CNTLN: variants seen among roughly 807,000 people sequenced by gnomAD.
CNTLN encodes the protein centlein, centrosomal protein.
CNTLN carries 212 observed loss-of-function variants against 180.0 expected under a neutral mutation model. The observed-to-expected ratio is 1.18, with a 90% CI of 1.05 to 1.32. The LOEUF is 1.32. Ranked by LOEUF, CNTLN falls within the 40% of genes most tolerant of loss-of-function variation. The pLI is 0.00. For missense variants in CNTLN, 2,095 were observed against 1,610.9 expected (o/e 1.30, Z -5.14); for synonymous variants, 722 against 563.1 (o/e 1.28, Z -3.99).
chr9:17,215,626 T>A (rs1823689782), intron 2 of CNTLN, among the ~76,000 whole-genome samples: 1 of 152,190 alleles, frequency 6.6e-6, no homozygotes, highest in Non-Finnish European at 1.5e-5. Flanking sequence ...CTGCCTTTTG[T>A]TTGGCTATGC....
At chr9:17,267,747 C>CT (rs1827593402) in intron 5 of CNTLN, among the ~76,000 whole-genome samples, 1 of 152,106 alleles carries the variant, frequency 6.6e-6, no homozygotes, top group Admixed American at 6.5e-5. Context: ...TCTTTTTATT[C>CT]TTTTTTCTCT....
chr9:17,524,527 A>T, the CNTLN span, among the ~76,000 whole-genome samples: 33 of 152,366 alleles, frequency 2.2e-4, no homozygotes, highest in African/African-American at 7.7e-4. Flanking sequence ...ATCCAGAAAC[A>T]TTCTCATAGA....
At chr9:17,415,134 A>G (rs1213701773) in intron 16 of CNTLN, among the ~76,000 whole-genome samples, 1 of 152,114 alleles carries the variant, frequency 6.6e-6, no homozygotes, top group African/African-American at 2.4e-5. Context: ...CTACTAATAT[A>G]TACAATTTTA....
intron 5 of CNTLN, among the ~76,000 whole-genome samples, chr9:17,268,661 G>A (rs780116468): frequency 6.6e-6 from 1 of 152,154 alleles, no homozygotes; most frequent in Non-Finnish European, 1.5e-5. Context: ...GAGGCAGGCA[G>A]GCCTCCTTGA....
chr9:17,271,639 G>A (rs1242452200), intron 5 of CNTLN, among the ~76,000 whole-genome samples: 1 of 152,086 alleles, frequency 6.6e-6, no homozygotes, highest in African/African-American at 2.4e-5. Context: ...CATGATGAAT[G>A]GATCCACCAT....
chr9:17,178,000 C>T (rs555314396), intron 2 of CNTLN, among the ~76,000 whole-genome samples: 2 of 151,866 alleles, frequency 1.3e-5, no homozygotes, highest in South Asian at 4.1e-4. Context: ...TCCACATCCC[C>T]ACTAGATTAG....
the CNTLN span, among the ~76,000 whole-genome samples, chr9:17,520,300 AG>A: frequency 6.6e-6 from 1 of 152,210 alleles, no homozygotes; most frequent in African/African-American, 2.4e-5. Context: ...CAGGGGCCAA[AG>A]GATTTAATAA....
intron 2 of CNTLN, among the ~76,000 whole-genome samples, chr9:17,213,003 C>G (rs1329187794): frequency 6.6e-6 from 1 of 152,080 alleles, no homozygotes; most frequent in Non-Finnish European, 1.5e-5. Flanking sequence ...TTCAAAAAAC[C>G]AGCTGCTAGA....
At chr9:17,336,362 G>A (rs10810763) in intron 10 of CNTLN, among the ~76,000 whole-genome samples, 90,158 of 151,816 alleles carry the variant, frequency 0.59, 27,031 homozygotes, top group East Asian at 0.73. Flanking sequence ...AAATGAAGAA[G>A]TGTTTTTCTT....
intron 8 of CNTLN, among the ~76,000 whole-genome samples, chr9:17,329,317 G>T (rs994992581): frequency 2.6e-5 from 4 of 152,052 alleles, no homozygotes; most frequent in Middle Eastern, 3.4e-3. Flanking sequence ...TCAGAAGTTT[G>T]ACTATAAAAC....
intron 2 of CNTLN, among the ~76,000 whole-genome samples, chr9:17,202,482 CT>C (rs1331017301): frequency 4.6e-5 from 7 of 151,966 alleles, no homozygotes; most frequent in African/African-American, 1.7e-4. Context: ...TATCTAAGAA[CT>C]TGTTTTATGA....
At chr9:17,321,128 G>A (rs1819879206) in intron 8 of CNTLN, among the ~76,000 whole-genome samples, 2 of 151,998 alleles carry the variant, frequency 1.3e-5, no homozygotes, top group African/African-American at 4.8e-5. Flanking sequence ...CTGTCAGCTT[G>A]TATTTTTATC....
chr9:17,235,655 C>CAG lies in CNTLN; in HGVS notation c.539_540dup. 4 of 1,558,498 alleles carry CAG rather than the reference C, an allele frequency of 2.6e-6. No individual in the cohort carries two copies. Among genetic ancestry groups the CAG allele is most frequent in the Non-Finnish European group, 8.6e-7 (1 of 1,159,946 alleles). ...CACCAGTAATTTAAATTTTTTTCCACAGAGAGAGTCAGTACTGAAACAGGA... is the reference window on the plus strand; with the variant it reads ...CACCAGTAATTTAAATTTTTTTCCACAGAGAGAGAGTCAGTACTGAAACAGGA... On this transcript the variant is annotated splice_region_variant and splice_polypyrimidine_tract_variant and intron_variant, in intron 3 of 25. Transcript: ENST00000380647.
At chr9:17,142,884 G>C (rs915434305) in intron 1 of CNTLN, among the ~76,000 whole-genome samples, 1 of 152,138 alleles carries the variant, frequency 6.6e-6, no homozygotes, top group African/African-American at 2.4e-5. Flanking sequence ...TAGCATAATG[G>C]TGGTTAGGAA....
At chr9:17,236,654 A>G (rs1825164687) in intron 5 of CNTLN, 66 bp downstream of exon 5, 1 of 1,304,980 alleles carries the variant, frequency 7.7e-7, no homozygotes, top group Admixed American at 2.3e-5. Flanking sequence ...AGTTTAATAC[A>G]TGTTATTTTC....
intron 5 of CNTLN, among the ~76,000 whole-genome samples, chr9:17,267,228 G>T (rs1354187290): frequency 1.3e-5 from 2 of 152,074 alleles, no homozygotes; most frequent in African/African-American, 4.8e-5. Flanking sequence ...TTTTAGGGCA[G>T]GCCTGGTGGT....
intron 11 of CNTLN, among the ~76,000 whole-genome samples, chr9:17,341,276 T>C (rs1445713262): frequency 6.6e-6 from 1 of 152,198 alleles, no homozygotes; most frequent in East Asian, 1.9e-4. Context: ...AAAAACTTGC[T>C]TTTAAATAAA....
intron 13 of CNTLN, among the ~76,000 whole-genome samples, chr9:17,383,027 A>T (rs1049926719): frequency 6.6e-6 from 1 of 152,048 alleles, no homozygotes; most frequent in Non-Finnish European, 1.5e-5. Context: ...AGACCTCCTC[A>T]TCTTTAACAA....
Position 17,475,819 on chromosome 9 carries a change from G to A in CNTLN, c.3856-8476G>A, listed in dbSNP as rs565389978. Among the ~76,000 whole-genome samples the A allele has an allele frequency of 2.7e-5, 4 of 147,824 alleles. No individual in the cohort carries two copies. The Admixed American group carries it at 2.7e-4, about 10-fold the overall frequency. On this transcript the variant is annotated intron_variant, in intron 23 of 25. Transcript: ENST00000380647. Reference sequence around the variant, plus strand: ...ACCCGGGAGGTGGAGCTTGCAGTGAGCCAAGATCGCGCCACTGCACTCCAG... The same window carrying A: ...ACCCGGGAGGTGGAGCTTGCAGTGAACCAAGATCGCGCCACTGCACTCCAG...
Sources: gnomAD v4.1 joint callset for allele counts (sites outside exome capture counted in the v4.1 genomes callset) on GRCh38, gnomAD v4.1.1 for gene constraint, MANE v1.5 for transcripts, NCBI Gene and HGNC (gene_info 2026-07-23, HGNC 2026-07-21) for gene names.